Variants in LIMS2 observed in about 807,000 individuals in gnomAD.
LIMS2 encodes LIM and senescent cell antigen-like-containing domain protein 2.
Under a neutral mutation model 45.3 loss-of-function variants are expected in LIMS2, and 30 were observed. The observed-to-expected ratio is 0.66, with a 90% CI of 0.50 to 0.90. LIMS2 has a LOEUF of 0.90. LIMS2 is among the 40% of genes least tolerant of loss of function. The pLI is 0.00. For missense variants in LIMS2, 485 were observed against 468.7 expected (o/e 1.03, Z -0.32); for synonymous variants, 173 against 188.0 (o/e 0.92, Z 0.65).
chr2:127,649,004 A>G (rs1277403910), intron 4 of LIMS2, among the ~76,000 whole-genome samples: 25 of 14,898 alleles, frequency 1.7e-3, no homozygotes, highest in Non-Finnish European at 2.0e-3. Flanking sequence ...AGGGGAGGGG[A>G]GGAAGGGGAG....
Position 127,647,725 on chromosome 2 carries a change from C to T in LIMS2, c.360-4653G>A, listed in dbSNP as rs531729474. ...CTCTCCTGCCAACCTGAAAACAGCA[C>T]ACCTGTGTGCCCCTCCCATCTACCA... is the stretch of plus-strand genomic sequence containing the variant. On this transcript the variant is annotated intron_variant, in intron 4 of 9. Coordinates refer to ENST00000355119, the MANE Select transcript of LIMS2 (RefSeq NM_001161403.3). The surrounding 1 kb of genome is among the most constrained non-coding windows in gnomAD (Gnocchi z 4.3). 3.3e-5 allele frequency among the ~76,000 whole-genome samples: 5 copies of T among 152,232 alleles called. No individual in the cohort carries two copies. In the South Asian group the frequency reaches 1.0e-3, roughly 32 times the overall value.
chr2:127,673,108 G>A (rs576609704), intron 1 of LIMS2, among the ~76,000 whole-genome samples: 6 of 152,340 alleles, frequency 3.9e-5, no homozygotes, highest in Admixed American at 6.5e-5. Context: ...ATGGAAGGCA[G>A]GGAAGCCAGT....
chr2:127,650,699 T>C, intron 4 of LIMS2: 2 of 1,574,876 alleles, frequency 1.3e-6, no homozygotes, highest in Middle Eastern at 1.7e-4. Flanking sequence ...TGTGAACTGT[T>C]TGCTTGTTCC....
At chr2:127,668,700 A>C (rs1443992881) in intron 1 of LIMS2, among the ~76,000 whole-genome samples, 37 of 130,050 alleles carry the variant, frequency 2.8e-4, no homozygotes, top group South Asian at 7.0e-4. Context: ...AAAAAAAAAA[A>C]AAAAAAAAAA....
In LIMS2 at chr2:127,672,911, A is replaced by G. The variant is rs1261955180; in HGVS notation, c.11+2103T>C. On this transcript the variant is annotated intron_variant, in intron 1 of 9. Coordinates refer to ENST00000355119, the MANE Select transcript of LIMS2 (RefSeq NM_001161403.3). This position sits in a 1 kb window ranked among gnomAD's most constrained non-coding sequence, Gnocchi z 4.9. The stretch of plus-strand genomic sequence containing the variant: ...TCTGGGCAGCATGGGGGATCCCGAG[A>G]GAACCAGGATCCAGGCACGAGGAGC... Among the ~76,000 whole-genome samples, 1 of 152,234 alleles carries G rather than the reference A, an allele frequency of 6.6e-6. No homozygotes were observed. The highest frequency in any genetic ancestry group is 1.5e-5 in the Non-Finnish European group (1 of 68,040).
upstream of LIMS2, among the ~76,000 whole-genome samples, chr2:127,676,872 G>A (rs1392193909): frequency 6.6e-6 from 1 of 152,216 alleles, no homozygotes; most frequent in Non-Finnish European, 1.5e-5. Context: ...TCAGGGTCTT[G>A]TGGGAACCAA....
Position 127,667,371 on chromosome 2 carries a change from G to A in LIMS2, c.11+7643C>T, listed in dbSNP as rs751026629. 2.6e-5 allele frequency among the ~76,000 whole-genome samples: 4 copies of A among 152,008 alleles called. No homozygotes were observed. Among genetic ancestry groups the A allele is most frequent in the Admixed American group, 6.6e-5 (1 of 15,264 alleles). On this transcript the variant is annotated intron_variant, in intron 1 of 9. Coordinates refer to ENST00000355119, the MANE Select transcript of LIMS2 (RefSeq NM_001161403.3). The surrounding 1 kb of genome is among the most constrained non-coding windows in gnomAD (Gnocchi z 4.1). ...AACAAAAGAAAAGAAAGACTAGGAG[G>A]GAATACTTCACAACTCATTCTATAA...
At chr2:127,665,708 A>G (rs1488794620) in intron 1 of LIMS2, among the ~76,000 whole-genome samples, 1 of 152,234 alleles carries the variant, frequency 6.6e-6, no homozygotes, top group Admixed American at 6.5e-5. Flanking sequence ...AACAGCAGCT[A>G]CAAGTCAATG....
chr2:127,654,339 C>T, intron 4 of LIMS2, 85 bp downstream of exon 4: 2 of 1,586,318 alleles, frequency 1.3e-6, no homozygotes, highest in African/African-American at 1.3e-5. Flanking sequence ...GCGCCCTCAG[C>T]AAGTGGGTAG....
chr2:127,664,248 T>C lies in LIMS2; in HGVS notation c.12-6686A>G. 1 of 1,208,072 alleles carries C rather than the reference T, an allele frequency of 8.3e-7. No homozygotes were observed. The highest frequency in any genetic ancestry group is 1.0e-6 in the Non-Finnish European group (1 of 970,822). 74.8% of individuals were successfully genotyped at this position (1,208,072 alleles called of 1,614,324 possible). On this transcript the variant is annotated intron_variant, in intron 1 of 9. Coordinates refer to ENST00000355119, the MANE Select transcript of LIMS2 (RefSeq NM_001161403.3). This position sits in a 1 kb window ranked among gnomAD's most constrained non-coding sequence, Gnocchi z 5.5. Reference sequence around the variant, plus strand: ...CGGGTTTCCGAGGGAAGGCCTGCCCTGCCGCCGCAGCTTTCCGGCCATTGT... The same window carrying C: ...CGGGTTTCCGAGGGAAGGCCTGCCCCGCCGCCGCAGCTTTCCGGCCATTGT...
At chr2:127,656,035 G>A (rs1248545214) in intron 2 of LIMS2, 2 of 152,240 alleles carry the variant, frequency 1.3e-5, no homozygotes, top group Admixed American at 1.3e-4. Context: ...GTGGACTTGA[G>A]GGGAGATGTG....
Position 127,675,502 on chromosome 2 carries a change from T to C in LIMS2, c.-478A>G, listed in dbSNP as rs1461102770. Among the ~76,000 whole-genome samples the C allele has an allele frequency of 1.3e-5, 2 of 151,932 alleles. No individual in the cohort carries two copies. Among genetic ancestry groups the C allele is most frequent in the Non-Finnish European group, 2.9e-5 (2 of 67,902 alleles). On this transcript the variant is annotated 5_prime_UTR_variant, in exon 1 of 10. Transcript: ENST00000355119. Reference sequence around the variant, plus strand: ...CCAGCGGCGGGCGCGGGTCAAGTCCTTCCCAACCCGGGCTCTGCTCGCCAC... The same window carrying C: ...CCAGCGGCGGGCGCGGGTCAAGTCCCTCCCAACCCGGGCTCTGCTCGCCAC...
intron 4 of LIMS2, among the ~76,000 whole-genome samples, chr2:127,654,026 A>G (rs1038881208): frequency 1.3e-5 from 2 of 152,064 alleles, no homozygotes; most frequent in African/African-American, 2.4e-5. Context: ...AAGGGTTCGC[A>G]GAAGGTGGGA....
At chr2:127,676,337 G>GCA (rs1323055343), upstream of LIMS2, among the ~76,000 whole-genome samples, 9 of 151,968 alleles carry the variant, frequency 5.9e-5, no homozygotes, top group East Asian at 1.5e-3. Context: ...AGTTCCACCT[G>GCA]CAGAAATAAG....
Position 127,640,327 on chromosome 2 carries a change from C to CG in LIMS2, c.754-10dup. ...CAGACGTCCCCGAAGAGCTGTGGGC[C>CG]GAGCAGGCTGTCAGAGTAGCTGCAG... On this transcript the variant is annotated splice_polypyrimidine_tract_variant and intron_variant, in intron 7 of 9. Coordinates refer to ENST00000355119, the MANE Select transcript of LIMS2 (RefSeq NM_001161403.3). 1 of 1,612,276 alleles carries CG rather than the reference C, an allele frequency of 6.2e-7. No individual in the cohort carries two copies. The highest frequency in any genetic ancestry group is 8.5e-7 in the Non-Finnish European group (1 of 1,179,810).
At chr2:127,651,274 T>C in intron 4 of LIMS2, 1 of 1,606,828 alleles carries the variant, frequency 6.2e-7, no homozygotes. Context: ...CACACGGTGG[T>C]CTGCCTGCAG....
intron 6 of LIMS2, 145 bp from the exon 7 acceptor site, chr2:127,641,133 G>C: frequency 3.1e-6 from 2 of 635,150 alleles, no homozygotes; most frequent in Non-Finnish European, 5.7e-6. Context: ...GTGACAGAAG[G>C]GGACAGAAAG....
chr2:127,650,683 G>T, intron 4 of LIMS2: 1 of 1,487,874 alleles, frequency 6.7e-7, no homozygotes, highest in South Asian at 1.2e-5. Context: ...TAGATCGCAA[G>T]CTCATTGTGA....
intron 4 of LIMS2, among the ~76,000 whole-genome samples, chr2:127,649,610 G>T (rs981162919): frequency 6.6e-5 from 10 of 152,258 alleles, no homozygotes; most frequent in Non-Finnish European, 1.3e-4. Flanking sequence ...GCAGGCCTGG[G>T]TTGGGGAGGC....
Sources: gnomAD v4.1 joint callset for allele counts (sites outside exome capture counted in the v4.1 genomes callset) on GRCh38, gnomAD v4.1.1 for gene constraint, Gnocchi (gnomAD v3.1) non-coding constraint, MANE v1.5 for transcripts, NCBI Gene and HGNC (gene_info 2026-07-23, HGNC 2026-07-21) for gene names.